EPM2A: variants seen among roughly 807,000 people sequenced by gnomAD.
EPM2A encodes the protein EPM2A glucan phosphatase, laforin, also known as laforin.
A neutral mutation model predicts 26.5 loss-of-function variants in EPM2A; 21 were observed. That is an observed-to-expected ratio of 0.79 (90% CI 0.56 to 1.14). The LOEUF (loss-of-function observed/expected upper bound fraction) is 1.14, where lower values mean the gene tolerates loss of function less well. EPM2A is among the 50% of genes most tolerant of loss of function. The pLI is 0.00. For missense variants in EPM2A, 458 were observed against 440.8 expected (o/e 1.04, Z -0.35); for synonymous variants, 217 against 177.6 (o/e 1.22, Z -1.76).
chr6:145,429,519 G>A (rs1030423403), intron 4 of EPM2A, among the ~76,000 whole-genome samples: 3 of 151,036 alleles, frequency 2.0e-5, no homozygotes, highest in Non-Finnish European at 4.4e-5. Context: ...ATAAACCTTA[G>A]AAAAAAATAA....
At chr6:145,511,497 C>T (rs454614) in intron 2 of EPM2A, among the ~76,000 whole-genome samples, 68,464 of 151,908 alleles carry the variant, frequency 0.45, 15,462 homozygotes, top group South Asian at 0.58. Context: ...GGATGAATTA[C>T]GAAACGATAT....
intron 4 of EPM2A, among the ~76,000 whole-genome samples, chr6:145,402,346 T>A (rs1778501732): frequency 1.3e-5 from 2 of 152,046 alleles, no homozygotes; most frequent in Admixed American, 1.3e-4. Context: ...TTCCACAAAA[T>A]AACTGACTAG....
At chr6:145,651,935 A>G (rs549714915) in intron 2 of EPM2A, among the ~76,000 whole-genome samples, 3 of 152,224 alleles carry the variant, frequency 2.0e-5, no homozygotes, top group East Asian at 1.9e-4. Context: ...CCCTCTTCTC[A>G]TTGGTATTTA....
At chr6:145,687,253 G>C (rs1780988874) in intron 1 of EPM2A, among the ~76,000 whole-genome samples, 1 of 151,602 alleles carries the variant, frequency 6.6e-6, no homozygotes, top group African/African-American at 2.4e-5. Flanking sequence ...CCCTTGCTCT[G>C]TTCCACCATG....
chr6:145,697,789 G>C (rs1781693364), intron 1 of EPM2A, among the ~76,000 whole-genome samples: 1 of 152,160 alleles, frequency 6.6e-6, no homozygotes, highest in Admixed American at 6.5e-5. Flanking sequence ...CTTGTTCCCT[G>C]AACATTGCTG....
At chr6:145,590,668 C>T (rs1344872314) in intron 2 of EPM2A, among the ~76,000 whole-genome samples, 1 of 151,950 alleles carries the variant, frequency 6.6e-6, no homozygotes, top group Non-Finnish European at 1.5e-5. Flanking sequence ...CAGGAGAGAC[C>T]AGAACAAGGA....
At chr6:145,733,452 A>T (rs1776614333) in intron 1 of EPM2A, among the ~76,000 whole-genome samples, 1 of 152,142 alleles carries the variant, frequency 6.6e-6, no homozygotes, top group Non-Finnish European at 1.5e-5. Flanking sequence ...TATATAACTT[A>T]TATGGTAACT....
In EPM2A at chr6:145,735,181, G is replaced by GC; in HGVS notation, c.301+16dup. On this transcript the variant is annotated intron_variant, in intron 1 of 3. Coordinates refer to ENST00000367519, the MANE Select transcript of EPM2A (RefSeq NM_005670.4). Reference sequence around the variant, plus strand: ...AGCTCCCGCTCTGCGCCGGGGGCAGGCGTCTGCTGGCAATACCTTCCCAGG... The same window carrying GC: ...AGCTCCCGCTCTGCGCCGGGGGCAGGCCGTCTGCTGGCAATACCTTCCCAGG... The GC allele has an allele frequency of 1.3e-6, 2 of 1,481,780 alleles. No individual in the cohort carries two copies. Among genetic ancestry groups the GC allele is most frequent in the Non-Finnish European group, 1.8e-6 (2 of 1,108,876 alleles). 91.8% of individuals were successfully genotyped at this position (1,481,780 alleles called of 1,614,324 possible).
intron 1 of EPM2A, chr6:145,705,550 G>A (rs1189390985): frequency 2.2e-6 from 1 of 456,346 alleles, no homozygotes; most frequent in South Asian, 1.5e-5. Flanking sequence ...CTGAGACCCT[G>A]TCTCAAAACA....
chr6:145,469,590 C>T (rs778856492), intron 4 of EPM2A, among the ~76,000 whole-genome samples: 11 of 152,100 alleles, frequency 7.2e-5, no homozygotes, highest in South Asian at 2.1e-4. Flanking sequence ...GTAATTAGTA[C>T]AACTACTATA....
At chr6:145,578,341 A>G (rs1236045551) in intron 2 of EPM2A, among the ~76,000 whole-genome samples, 2 of 152,184 alleles carry the variant, frequency 1.3e-5, no homozygotes, top group African/African-American at 2.4e-5. Context: ...AAATAAAACT[A>G]GAGATGAAAA....
chr6:145,482,432 A>G (rs566518141), intron 4 of EPM2A, among the ~76,000 whole-genome samples: 3 of 152,246 alleles, frequency 2.0e-5, no homozygotes, highest in South Asian at 4.1e-4. Flanking sequence ...TCTACTTTTT[A>G]TTACAGCATG....
intron 4 of EPM2A, among the ~76,000 whole-genome samples, chr6:145,472,362 CCTT>C (rs898314891): frequency 1.1e-4 from 17 of 151,820 alleles, no homozygotes; most frequent in African/African-American, 4.1e-4. Flanking sequence ...GGGCAAAACT[CCTT>C]CTCTCTGAGA....
At chr6:145,481,940 T>A (rs542390312) in intron 4 of EPM2A, among the ~76,000 whole-genome samples, 2 of 152,260 alleles carry the variant, frequency 1.3e-5, no homozygotes, top group South Asian at 4.1e-4. Context: ...CAAACCATGG[T>A]CATTCACTAA....
chr6:145,643,404 T>C (rs1361521608), intron 2 of EPM2A, among the ~76,000 whole-genome samples: 2 of 152,196 alleles, frequency 1.3e-5, no homozygotes, highest in East Asian at 3.8e-4. Flanking sequence ...ATTATGGAAA[T>C]GTTAATAAAG....
chr6:145,717,280 G>A (rs183616282), intron 1 of EPM2A, among the ~76,000 whole-genome samples: 1 of 152,158 alleles, frequency 6.6e-6, no homozygotes, highest in Non-Finnish European at 1.5e-5. Context: ...TGATCAAGTG[G>A]CCTTCATCCC....
intron 4 of EPM2A, among the ~76,000 whole-genome samples, chr6:145,432,795 T>A (rs755072521): frequency 2.0e-5 from 3 of 152,202 alleles, no homozygotes; most frequent in Non-Finnish European, 4.4e-5. Flanking sequence ...ATTGAAAATA[T>A]GTTTTCATAT....
chr6:145,481,136 G>GA (rs61474849), intron 4 of EPM2A, among the ~76,000 whole-genome samples: 3 of 151,810 alleles, frequency 2.0e-5, no homozygotes, highest in East Asian at 1.9e-4. Context: ...GGTAGCACCA[G>GA]AAAAAAAACA....
chr6:145,466,275 T>C (rs2114721092), intron 4 of EPM2A, among the ~76,000 whole-genome samples: 1 of 149,598 alleles, frequency 6.7e-6, no homozygotes, highest in East Asian at 2.0e-4. Context: ...GAATCTACAA[T>C]GAACTCAAAC....
Sources: gnomAD v4.1 joint callset for allele counts (sites outside exome capture counted in the v4.1 genomes callset) on GRCh38, gnomAD v4.1.1 for gene constraint, MANE v1.5 for transcripts, NCBI Gene and HGNC (gene_info 2026-07-23, HGNC 2026-07-21) for gene names.